The following TRIO variants were observed in gnomAD, a reference collection of about 807,000 sequenced individuals.
TRIO encodes the protein triple functional domain protein.
A neutral mutation model predicts 351.9 loss-of-function variants in TRIO; 58 were observed. The ratio of observed to expected loss-of-function variants is 0.16; its 90% CI spans 0.13 to 0.21. The LOEUF (loss-of-function observed/expected upper bound fraction) is 0.21. Ranked by LOEUF, TRIO falls within the 10% of genes least tolerant of loss-of-function variation. The probability of loss-of-function intolerance (pLI) is 1.00; values close to 1 mark genes in which losing one functional copy is unlikely to be tolerated. For missense variants in TRIO, 3,201 were observed against 4,027.8 expected (o/e 0.79, Z 5.56); for synonymous variants, 1,758 against 1,595.7 (o/e 1.10, Z -2.42).
intron 31 of TRIO, among the ~76,000 whole-genome samples, chr5:14,402,609 G>A (rs1239073052): frequency 6.6e-6 from 1 of 152,016 alleles, no homozygotes; most frequent in Non-Finnish European, 1.5e-5. Flanking sequence ...GGAGATGGTG[G>A]TGGTATGGAT....
At chr5:14,283,026 T>C (rs145167386) in intron 3 of TRIO, among the ~76,000 whole-genome samples, 1 of 152,288 alleles carries the variant, frequency 6.6e-6, no homozygotes, top group Admixed American at 6.5e-5. Context: ...CTGCAGGTGC[T>C]ACCCCTAGTG....
Position 14,496,099 on chromosome 5 carries a change from AT to A in TRIO, c.7881-772del, listed in dbSNP as rs555945143. Among the ~76,000 whole-genome samples, 78 of 152,146 alleles carry A rather than the reference AT, an allele frequency of 5.1e-4. No individual in the cohort carries two copies. In the East Asian group the frequency reaches 9.8e-3, roughly 19 times the overall value. ...ATTCACTGATGGTGCGGATGATAGCATTTTTTTTAGCAAATAAACTGTTTTT... is the reference window on the plus strand; with the variant it reads ...ATTCACTGATGGTGCGGATGATAGCATTTTTTTAGCAAATAAACTGTTTTT... On this transcript the variant is annotated intron_variant, in intron 49 of 56. Transcript: ENST00000344204.
intron 1 of TRIO, among the ~76,000 whole-genome samples, chr5:14,232,782 C>T (rs977751199): frequency 3.9e-5 from 6 of 152,148 alleles, no homozygotes; most frequent in East Asian, 1.9e-4. Context: ...TTAATGTACA[C>T]GCATATTGTA....
chr5:14,250,672 A>G (rs1044422280), intron 1 of TRIO, among the ~76,000 whole-genome samples: 2 of 152,176 alleles, frequency 1.3e-5, no homozygotes, highest in Non-Finnish European at 2.9e-5. Context: ...GAGAGGCTGT[A>G]CTGTGTTCAG....
intron 8 of TRIO, among the ~76,000 whole-genome samples, chr5:14,306,192 C>T (rs536861123): frequency 6.8e-6 from 1 of 147,000 alleles, no homozygotes; most frequent in Admixed American, 6.7e-5. Flanking sequence ...TTTCTTTAGC[C>T]ACCTTTGCCT....
chr5:14,483,928 A>G (rs959530428), intron 46 of TRIO, among the ~76,000 whole-genome samples: 1 of 151,630 alleles, frequency 6.6e-6, no homozygotes, highest in Non-Finnish European at 1.5e-5. Flanking sequence ...TGAACTGTGC[A>G]CCCATACGCT....
At chr5:14,147,381 A>C (rs1348204566) in intron 1 of TRIO, among the ~76,000 whole-genome samples, 3 of 152,016 alleles carry the variant, frequency 2.0e-5, no homozygotes, top group Non-Finnish European at 4.4e-5. Context: ...TTTTATTGCC[A>C]ATCTATTTTG....
chr5:14,247,908 A>T (rs1361698396), intron 1 of TRIO, among the ~76,000 whole-genome samples: 1 of 152,060 alleles, frequency 6.6e-6, no homozygotes, highest in African/African-American at 2.4e-5. Context: ...TCTACTAAAC[A>T]TACAAAAATT....
At chr5:14,315,690 T>C (rs1293317392) in intron 8 of TRIO, among the ~76,000 whole-genome samples, 1 of 152,234 alleles carries the variant, frequency 6.6e-6, no homozygotes, top group Non-Finnish European at 1.5e-5. Context: ...TTGTGTTGTC[T>C]GATTGTCACT....
rs1035168476 is a variant in TRIO, at chr5:14,286,810, C to T, written c.348-61C>T. The T allele has an allele frequency of 6.4e-7, 1 of 1,554,216 alleles. No individual in the cohort carries two copies. Among genetic ancestry groups the T allele is most frequent in the African/African-American group, 1.4e-5 (1 of 73,918 alleles). On this transcript the variant is annotated intron_variant, in intron 3 of 56. Coordinates refer to ENST00000344204, the MANE Select transcript of TRIO (RefSeq NM_007118.4). This position sits in a 1 kb window ranked among gnomAD's most constrained non-coding sequence, Gnocchi z 4.4. ...TGGGTCTGTGGCACCCAGTGGGACT[C>T]TGACCAGGCAGAGTGGCAAGAGATG...
intron 34 of TRIO, among the ~76,000 whole-genome samples, chr5:14,428,597 T>C (rs533675450): frequency 1.3e-5 from 2 of 152,304 alleles, no homozygotes; most frequent in South Asian, 2.1e-4. Context: ...AGCGTATAAT[T>C]ATGGAGCCAC....
intron 11 of TRIO, among the ~76,000 whole-genome samples, chr5:14,352,875 C>T (rs935766466): frequency 8.6e-6 from 1 of 115,784 alleles, no homozygotes; most frequent in Non-Finnish European, 1.8e-5. Context: ...GCGGGGAATA[C>T]GCTAGTTTTT....
chr5:14,449,467 A>C (rs1291723855), intron 34 of TRIO, among the ~76,000 whole-genome samples: 2 of 152,178 alleles, frequency 1.3e-5, no homozygotes, highest in African/African-American at 4.8e-5. Flanking sequence ...TGACTCACTA[A>C]GACTAGCCCA....
chr5:14,458,914 G>A (rs1753569437), intron 34 of TRIO, among the ~76,000 whole-genome samples: 1 of 152,154 alleles, frequency 6.6e-6, no homozygotes, highest in South Asian at 2.1e-4. Flanking sequence ...GAGACTGATA[G>A]GGAAATGTTT....
chr5:14,371,679 C>T (rs113817613), intron 18 of TRIO, among the ~76,000 whole-genome samples: 3,204 of 147,880 alleles, frequency 0.022, 109 homozygotes, highest in African/African-American at 0.076. Context: ...CTTGCCTTGT[C>T]AACCAAGCTG....
At chr5:14,473,925 A>C in intron 39 of TRIO, 69 bp from the exon 40 acceptor site, 2 of 1,496,656 alleles carry the variant, frequency 1.3e-6, no homozygotes, top group Non-Finnish European at 1.8e-6. Context: ...TGTGACTATT[A>C]ATCAATAAGC....
intron 13 of TRIO, among the ~76,000 whole-genome samples, chr5:14,363,001 CTTT>C (rs34314596): frequency 3.7e-5 from 5 of 136,072 alleles, no homozygotes; most frequent in Non-Finnish European, 6.2e-5. Context: ...TTTCTATCTA[CTTT>C]TTTTTTTTTT....
intron 2 of TRIO, among the ~76,000 whole-genome samples, chr5:14,273,900 T>C (rs164859): frequency 0.49 from 75,067 of 152,090 alleles, 19,328 homozygotes; most frequent in East Asian, 0.59. Flanking sequence ...GGAAAGAAAA[T>C]AGTATAGTGA....
At chr5:14,269,368 C>T (rs771489147) in intron 1 of TRIO, among the ~76,000 whole-genome samples, 4 of 152,202 alleles carry the variant, frequency 2.6e-5, no homozygotes, top group South Asian at 2.1e-4. Context: ...ATATTCCTCC[C>T]GAAGATGTTG....
Sources: gnomAD v4.1 joint callset for allele counts (sites outside exome capture counted in the v4.1 genomes callset) on GRCh38, gnomAD v4.1.1 for gene constraint, Gnocchi (gnomAD v3.1) non-coding constraint, MANE v1.5 for transcripts, NCBI Gene and HGNC (gene_info 2026-07-23, HGNC 2026-07-21) for gene names.